Variants in CASTOR2 observed in about 807,000 individuals in gnomAD.
CASTOR2 encodes the protein cytosolic arginine sensor for mTORC1 subunit 2, also known as GATS protein like 2.
Under a neutral mutation model 31.2 loss-of-function variants are expected in CASTOR2, and 8 were observed. The ratio of observed to expected loss-of-function variants is 0.26; its 90% CI spans 0.15 to 0.46. The LOEUF (loss-of-function observed/expected upper bound fraction) is 0.46. Among genes scored for constraint, CASTOR2 ranks in the 20% least tolerant of loss-of-function variants. CASTOR2 has a pLI of 0.99. For missense variants in CASTOR2, 216 were observed against 382.1 expected, an observed-to-expected ratio of 0.57 and a Z score of 3.62; for synonymous variants, 162 against 158.7, an observed-to-expected ratio of 1.02 and a Z score of -0.16.
chr7:75,028,332 G>A lies in CASTOR2; in HGVS notation c.*3633G>A, dbSNP rs1346952920. On this transcript the variant is annotated 3_prime_UTR_variant, in exon 9 of 9. Transcript: ENST00000616305. ...GACGGGGTTTCACCATGTTGGCCAC[G>A]CTGGTCTTGAACTCCTGACCTCAAG... Among the ~76,000 whole-genome samples the A allele has an allele frequency of 1.3e-5, 2 of 151,984 alleles. No individual in the cohort carries two copies. Among genetic ancestry groups the A allele is most frequent in the East Asian group, 1.9e-4 (1 of 5,166 alleles).
intron 1 of CASTOR2, among the ~76,000 whole-genome samples, chr7:74,982,351 C>T (rs1220119923): frequency 6.6e-6 from 1 of 151,442 alleles, no homozygotes; most frequent in Admixed American, 6.6e-5. Flanking sequence ...GCATTTGGCC[C>T]CTGGGCCTCT....
At chr7:74,994,012 G>A (rs1186213371) in intron 1 of CASTOR2, among the ~76,000 whole-genome samples, 2 of 152,204 alleles carry the variant, frequency 1.3e-5, no homozygotes, top group Non-Finnish European at 2.9e-5. Flanking sequence ...AGGATGCCCG[G>A]GGAGAGGCCC....
intron 1 of CASTOR2, among the ~76,000 whole-genome samples, chr7:74,977,357 C>A (rs1356601466): frequency 1.3e-5 from 2 of 151,496 alleles, no homozygotes; most frequent in African/African-American, 4.9e-5. Flanking sequence ...GTGGGCCATC[C>A]ACGGTGCTAA....
In CASTOR2 at chr7:75,010,171, TC is replaced by T. The variant is rs1171805608; in HGVS notation, c.184+2109del. 3.5e-3 allele frequency among the ~76,000 whole-genome samples: 526 copies of T among 152,172 alleles called. 6 individuals are homozygous for T. The highest frequency in any genetic ancestry group is 0.012 in the African/African-American group (500 of 41,518). On this transcript the variant is annotated intron_variant, in intron 2 of 8. Transcript: ENST00000616305. ...TTTCTGGGGGCTCAAAAGCGGAAGTTCCTGGTGAGCTCATGTGGTCATGGAG... is the reference window on the plus strand; with the variant it reads ...TTTCTGGGGGCTCAAAAGCGGAAGTTCTGGTGAGCTCATGTGGTCATGGAG...
chr7:75,007,481 A>T (rs2131944444), intron 1 of CASTOR2, among the ~76,000 whole-genome samples: 1 of 152,056 alleles, frequency 6.6e-6, no homozygotes, highest in Non-Finnish European at 1.5e-5. Flanking sequence ...CTCTTTAGGG[A>T]TGGAAAATAA....
chr7:74,994,472 C>T (rs1241945638), intron 1 of CASTOR2, among the ~76,000 whole-genome samples: 12 of 152,214 alleles, frequency 7.9e-5, no homozygotes, highest in Admixed American at 2.0e-4. Context: ...ATCAACCGCC[C>T]GGGTGTGGTG....
chr7:74,990,470 C>G (rs1554437216), intron 1 of CASTOR2, among the ~76,000 whole-genome samples: 2 of 152,038 alleles, frequency 1.3e-5, no homozygotes, highest in East Asian at 3.9e-4. Context: ...GTAATCCCAG[C>G]AAATTTGGCA....
intron 8 of CASTOR2, 41 bp from the exon 9 acceptor site, chr7:75,024,593 G>C: frequency 6.4e-7 from 1 of 1,551,034 alleles, no homozygotes; most frequent in South Asian, 1.2e-5. Context: ...GCAGGTTCCT[G>C]GGCTCACGGG....
Position 75,018,103 on chromosome 7 carries a change from C to T in CASTOR2, c.492C>T (p.Gly164=). ...CCGAGAACCTCGGCATCACCAATGG[C>T]TTCGTGAAGCCCAAGCTGGGTGAGC... The part of the protein sequence containing the change: ...VAAENLGITN[G]FVKPKLVQRP... The change falls in exon 4 of 9, where the codon GGC becomes GGT. Residue 164 remains glycine, a synonymous_variant. Coordinates refer to ENST00000616305, the MANE Select transcript of CASTOR2 (RefSeq NM_001145064.3). The T allele has an allele frequency of 1.2e-6, 2 of 1,614,084 alleles. No individual in the cohort carries two copies. Among genetic ancestry groups the T allele is most frequent in the East Asian group, 4.5e-5 (2 of 44,886 alleles).
intron 7 of CASTOR2, among the ~76,000 whole-genome samples, chr7:75,023,119 T>C (rs1358033102): frequency 1.3e-5 from 2 of 151,948 alleles, no homozygotes; most frequent in African/African-American, 4.8e-5. Context: ...TCATCCTGGC[T>C]AACACAGCAA....
chr7:75,014,061 T>C (rs1222844764), intron 2 of CASTOR2, among the ~76,000 whole-genome samples: 1 of 152,110 alleles, frequency 6.6e-6, no homozygotes, highest in Non-Finnish European at 1.5e-5. Context: ...CTGTGTGCAG[T>C]GCTAGGTGTC....
intron 1 of CASTOR2, among the ~76,000 whole-genome samples, chr7:74,993,031 T>C (rs1487199055): frequency 1.3e-5 from 2 of 150,782 alleles, no homozygotes; most frequent in Non-Finnish European, 3.0e-5. Context: ...AAACTCCATC[T>C]CTTCTAAAAA....
chr7:74,984,853 T>C (rs1175941820), intron 1 of CASTOR2, among the ~76,000 whole-genome samples: 3,583 of 152,194 alleles, frequency 0.024, 56 homozygotes, highest in Non-Finnish European at 0.03. Flanking sequence ...AAGAGCCACT[T>C]GGGCACAGTG....
chr7:75,009,212 TC>T (rs1490355421), intron 2 of CASTOR2, among the ~76,000 whole-genome samples: 2 of 136,328 alleles, frequency 1.5e-5, no homozygotes, highest in East Asian at 4.8e-4. Flanking sequence ...CGCCTCGTCC[TC>T]CCAAAGTGCT....
At chr7:75,021,118 A>C (rs1804991457) in intron 6 of CASTOR2, among the ~76,000 whole-genome samples, 1 of 152,058 alleles carries the variant, frequency 6.6e-6, no homozygotes, top group Non-Finnish European at 1.5e-5. Flanking sequence ...CAGCCTCCCG[A>C]GTAGCTGGAA....
intron 1 of CASTOR2, among the ~76,000 whole-genome samples, chr7:75,001,073 G>A (rs1320303701): frequency 2.0e-5 from 3 of 151,854 alleles, no homozygotes; most frequent in African/African-American, 7.3e-5. Context: ...AATCAAGCCT[G>A]CATCTTTTAT....
chr7:74,987,475 A>C (rs1198527401), intron 1 of CASTOR2, among the ~76,000 whole-genome samples: 8 of 151,974 alleles, frequency 5.3e-5, no homozygotes, highest in Non-Finnish European at 8.8e-5. Context: ...AAGTCGCTCA[A>C]ACACACACAT....
At position 75,024,940 on chromosome 7, in the gene CASTOR2, A is replaced by G. The variant is rs1375262593; in HGVS notation, c.*241A>G. The G allele has an allele frequency of 1.6e-5, 14 of 880,716 alleles. No homozygotes were observed. Among genetic ancestry groups the G allele is most frequent in the Non-Finnish European group, 2.2e-5 (13 of 579,042 alleles). The allele number at this position is 880,716 out of a possible 1,614,324, so 54.6% of individuals were successfully genotyped here. A position where few individuals can be genotyped will look rare whatever the true frequency, so the allele number is the denominator to read the frequency against. On this transcript the variant is annotated 3_prime_UTR_variant, in exon 9 of 9. Transcript: ENST00000616305. ...CCAGAGAACGACCTTTCTCTTCCCT[A>G]CCTCCCCCACCCCGGAAAATGCTTT... is the stretch of plus-strand genomic sequence containing the variant.
intron 1 of CASTOR2, among the ~76,000 whole-genome samples, chr7:74,994,490 C>A (rs1804292311): frequency 6.6e-6 from 1 of 152,108 alleles, no homozygotes; most frequent in Non-Finnish European, 1.5e-5. Flanking sequence ...GTGGTTCATG[C>A]CTGTAATCCC....
Sources: allele counts gnomAD v4.1 joint callset (sites outside exome capture counted in the v4.1 genomes callset), GRCh38; gene constraint gnomAD v4.1.1; transcripts MANE v1.5; gene names NCBI Gene and HGNC (gene_info 2026-07-23, HGNC 2026-07-21).